Variants in PTPRD observed in about 807,000 individuals in gnomAD.
PTPRD encodes protein tyrosine phosphatase receptor type D.
In PTPRD, 34 loss-of-function variants were observed where a neutral mutation model predicts 214.5. That is an observed-to-expected ratio of 0.16 (90% CI 0.12 to 0.21). The LOEUF is 0.21. Ranked by LOEUF, PTPRD falls within the 10% of genes least tolerant of loss-of-function variation. The pLI is 1.00. For missense variants in PTPRD, 2,545 were observed against 2,398.7 expected (o/e 1.06, Z -1.27); for synonymous variants, 1,128 against 845.7 (o/e 1.33, Z -5.79).
rs2057569225 is a variant in PTPRD, at chr9:9,838,908, T to C, written c.-367-72057A>G. Among the ~76,000 whole-genome samples the C allele has an allele frequency of 2.6e-5, 4 of 152,140 alleles. No homozygotes were observed. In the South Asian group the frequency reaches 8.3e-4, roughly 32 times the overall value. ...GATTTTTATGGTTTTAGGTCTAATG[T>C]TTAAGTCTTTAATCCATCTTGAATT... On this transcript the variant is annotated intron_variant, in intron 5 of 45. Transcript: ENST00000381196.
At chr9:10,229,495 A>T (rs2099600867) in intron 3 of PTPRD, among the ~76,000 whole-genome samples, 2 of 152,126 alleles carry the variant, frequency 1.3e-5, no homozygotes, top group Admixed American at 6.6e-5. Flanking sequence ...AATGTGGCAC[A>T]TAAACACCAC....
At chr9:8,667,462 C>A (rs764055975) in intron 12 of PTPRD, among the ~76,000 whole-genome samples, 1 of 152,148 alleles carries the variant, frequency 6.6e-6, no homozygotes, top group African/African-American at 2.4e-5. Flanking sequence ...AATCTGAAAT[C>A]CAAAATGTTT....
intron 9 of PTPRD, among the ~76,000 whole-genome samples, chr9:9,222,682 A>T (rs1309529598): frequency 1.3e-5 from 2 of 152,046 alleles, no homozygotes; most frequent in Non-Finnish European, 2.9e-5. Flanking sequence ...GAAACAACAG[A>T]TACACCCTAT....
At chr9:10,525,471 CA>C (rs984024188) in intron 2 of PTPRD, among the ~76,000 whole-genome samples, 4 of 151,950 alleles carry the variant, frequency 2.6e-5, no homozygotes, top group African/African-American at 4.8e-5. Context: ...ATTAATCCAA[CA>C]AAAACTTAAG....
intron 7 of PTPRD, among the ~76,000 whole-genome samples, chr9:9,724,761 G>T (rs1011189080): frequency 6.6e-6 from 1 of 152,096 alleles, no homozygotes; most frequent in East Asian, 1.9e-4. Context: ...GCTCTTTAAG[G>T]TATCCCCATT....
chr9:8,761,310 A>G (rs903626885), intron 11 of PTPRD, among the ~76,000 whole-genome samples: 2 of 152,182 alleles, frequency 1.3e-5, no homozygotes, highest in African/African-American at 4.8e-5. Flanking sequence ...AGCAGAAGAA[A>G]AAAGGTGGTT....
chr9:9,665,236 T>G (rs1235568431), intron 7 of PTPRD, among the ~76,000 whole-genome samples: 2 of 151,648 alleles, frequency 1.3e-5, no homozygotes, highest in African/African-American at 4.8e-5. Flanking sequence ...AACCTTAGAA[T>G]GGTCCATTTA....
intron 8 of PTPRD, among the ~76,000 whole-genome samples, chr9:9,456,544 G>A (rs1295866436): frequency 1.3e-5 from 2 of 151,610 alleles, no homozygotes; most frequent in African/African-American, 4.8e-5. Context: ...AGAATATAGA[G>A]TTAAAAATGT....
At chr9:9,977,959 C>T (rs1375148994) in intron 4 of PTPRD, among the ~76,000 whole-genome samples, 1 of 151,608 alleles carries the variant, frequency 6.6e-6, no homozygotes, top group Non-Finnish European at 1.5e-5. Flanking sequence ...CTTTTGCTTT[C>T]ATCTAGCACA....
intron 10 of PTPRD, among the ~76,000 whole-genome samples, chr9:9,066,394 C>T (rs373506785): frequency 2.7e-3 from 408 of 151,892 alleles, no homozygotes; most frequent in African/African-American, 9.5e-3. Flanking sequence ...TTTTGGTAGT[C>T]TGTGTTTTTC....
chr9:9,094,112 T>G (rs2099780128), intron 10 of PTPRD, among the ~76,000 whole-genome samples: 1 of 152,164 alleles, frequency 6.6e-6, no homozygotes, highest in South Asian at 2.1e-4. Flanking sequence ...CTCACTCAAG[T>G]GGAAATGGTC....
chr9:9,013,642 C>G (rs939891035), intron 11 of PTPRD, among the ~76,000 whole-genome samples: 9 of 152,070 alleles, frequency 5.9e-5, no homozygotes, highest in Non-Finnish European at 1.2e-4. Context: ...AGTTAATTAA[C>G]TATAATGACC....
At chr9:8,371,680 T>TA (rs980691912) in intron 39 of PTPRD, among the ~76,000 whole-genome samples, 6 of 151,974 alleles carry the variant, frequency 3.9e-5, no homozygotes, top group Non-Finnish European at 7.4e-5. Context: ...GCTCAAATTT[T>TA]AAAAAAATTA....
chr9:10,004,657 G>A (rs889860145), intron 4 of PTPRD, among the ~76,000 whole-genome samples: 5 of 151,942 alleles, frequency 3.3e-5, no homozygotes, highest in Admixed American at 2.6e-4. Context: ...CACACACAGT[G>A]TAAACATAAC....
At chr9:9,800,184 T>A (rs1054850236) in intron 5 of PTPRD, among the ~76,000 whole-genome samples, 6 of 152,166 alleles carry the variant, frequency 3.9e-5, no homozygotes, top group Non-Finnish European at 7.4e-5. Context: ...TATAAAATGT[T>A]TGATTAGCCA....
chr9:9,728,380 C>G (rs1444809261), intron 7 of PTPRD, among the ~76,000 whole-genome samples: 2 of 152,038 alleles, frequency 1.3e-5, no homozygotes, highest in East Asian at 3.9e-4. Context: ...CTTTTAATTC[C>G]AGGTAATTGT....
intron 3 of PTPRD, among the ~76,000 whole-genome samples, chr9:10,049,982 T>C (rs1477798619): frequency 1.3e-5 from 2 of 152,216 alleles, no homozygotes; most frequent in African/African-American, 2.4e-5. Flanking sequence ...CAAACTTTTT[T>C]ATGTGCTTAT....
At chr9:8,383,011 C>T (rs1283898219) in intron 37 of PTPRD, among the ~76,000 whole-genome samples, 2 of 152,168 alleles carry the variant, frequency 1.3e-5, no homozygotes, top group South Asian at 4.1e-4. Flanking sequence ...CTGCCACTGG[C>T]CAAGGCTGGA....
intron 4 of PTPRD, among the ~76,000 whole-genome samples, chr9:10,028,370 G>A (rs1459948830): frequency 6.6e-6 from 1 of 152,156 alleles, no homozygotes; most frequent in African/African-American, 2.4e-5. Context: ...GTGGAGCGCT[G>A]CTGAAAAGAT....
Sources: gnomAD v4.1 joint callset for allele counts (sites outside exome capture counted in the v4.1 genomes callset) on GRCh38, gnomAD v4.1.1 for gene constraint, MANE v1.5 for transcripts, NCBI Gene and HGNC (gene_info 2026-07-23, HGNC 2026-07-21) for gene names.